The following MFGE8 variants were observed in gnomAD, a reference collection of about 807,000 sequenced individuals.
MFGE8 encodes the protein lactadherin.
MFGE8 carries 34 observed loss-of-function variants against 42.6 expected under a neutral mutation model. The observed-to-expected ratio is 0.80, with a 90% CI of 0.61 to 1.06. The LOEUF is 1.06. Among genes scored for constraint, MFGE8 ranks in the 50% least tolerant of loss-of-function variants. The pLI is 0.00. For missense variants in MFGE8, 510 were observed against 516.9 expected, an observed-to-expected ratio of 0.99 and a Z score of 0.13; for synonymous variants, 230 against 214.8, an observed-to-expected ratio of 1.07 and a Z score of -0.62.
At chr15:88,912,946 G>GA (rs1236669100) in intron 1 of MFGE8, 1 of 985,320 alleles carries the variant, frequency 1.0e-6, no homozygotes, top group Non-Finnish European at 1.2e-6. Flanking sequence ...TTTCACCAGG[G>GA]AAAAGAGAGG....
chr15:88,899,863 T>A lies in MFGE8; in HGVS notation c.871-52A>T. ...TCTGCTTGGACCATCTCCAGTAAGG[T>A]GAAAAGAGGCAGACACACTGAGGCA... On this transcript the variant is annotated intron_variant, in intron 6 of 7. Coordinates refer to ENST00000268150, the MANE Select transcript of MFGE8 (RefSeq NM_005928.4). This position sits in a 1 kb window ranked among gnomAD's most constrained non-coding sequence, Gnocchi z 6.8. The A allele has an allele frequency of 6.2e-7, 1 of 1,607,654 alleles. No individual in the cohort carries two copies. The highest frequency in any genetic ancestry group is 1.1e-5 in the South Asian group (1 of 90,704).
chr15:88,907,329 G>T lies in MFGE8; in HGVS notation c.253C>A (p.Gln85Lys). Residue 85 changes from glutamine (Q) to lysine (K), a missense_variant, in exon 3 of 8, where the codon CAG becomes AAG. Transcript: ENST00000268150. ...GLENGNIANS[Q>K]IAASSVRVTF... The stretch of plus-strand genomic sequence containing the variant: ...ACACGCACAGACGAGGCGGCGATCT[G>T]TGAGTTGGCAATGTTCCCATTCTCC... The T allele has an allele frequency of 6.2e-7, 1 of 1,614,202 alleles. No individual in the cohort carries two copies. Among genetic ancestry groups the T allele is most frequent in the Non-Finnish European group, 8.5e-7 (1 of 1,180,030 alleles).
In MFGE8 at chr15:88,899,912, T is replaced by A; in HGVS notation, c.871-101A>T. ...CATGAATTCTAGTTTTGAAAAAAAC[T>A]ACTTGGGTGAGCCTCAGTTTCTTTG... On this transcript the variant is annotated intron_variant, in intron 6 of 7. Coordinates refer to ENST00000268150, the MANE Select transcript of MFGE8 (RefSeq NM_005928.4). The surrounding 1 kb of genome is among the most constrained non-coding windows in gnomAD (Gnocchi z 6.8). 1 of 1,393,410 alleles carries A rather than the reference T, an allele frequency of 7.2e-7. No individual in the cohort carries two copies. The highest frequency in any genetic ancestry group is 1.0e-6 in the Non-Finnish European group (1 of 996,552). The allele number at this position is 1,393,410 out of a possible 1,614,324, so 86.3% of individuals were successfully genotyped here. A position where few individuals can be genotyped will look rare whatever the true frequency, so the allele number is the denominator to read the frequency against.
Position 88,899,750 on chromosome 15 carries a change from C to T in MFGE8, c.932G>A (p.Gly311Asp). 1 of 1,614,170 alleles carries T rather than the reference C, an allele frequency of 6.2e-7. No individual in the cohort carries two copies. ...GTAGGATGCCACAAACTGGACAGAG[C>T]CAAAGTTACGGGCCCCCTGGGTGAT... ...GIITQGARNF[G>D]SVQFVASYKV... Residue 311 changes from glycine to aspartate, a missense_variant, in exon 7 of 8, where the codon GGC (glycine) becomes GAC (aspartate). Transcript: ENST00000268150. The surrounding 1 kb of genome is among the most constrained non-coding windows in gnomAD (Gnocchi z 6.8).
rs1290325474 is a variant in MFGE8 at position 88,909,864 on chromosome 15, C to T, written c.133G>A (p.Val45Met). The change falls in exon 2 of 8, where the codon GTG (valine) becomes ATG (methionine). Residue 45 changes from valine (V) to methionine (M), a missense_variant. By Grantham distance (21) the Val-to-Met change is conservative. Coordinates refer to ENST00000268150, the MANE Select transcript of MFGE8 (RefSeq NM_005928.4). ...TACGAGGGGAAGACATCTCCTCGCA[C>T]TTCTTGGGAAATCTCCTCGCATAAA... ...GGLCEEISQE[V>M]RGDVFPSYTC... 2 of 1,614,244 alleles carry T rather than the reference C, an allele frequency of 1.2e-6. No individual in the cohort carries two copies. The highest frequency in any genetic ancestry group is 3.3e-5 in the Admixed American group (2 of 60,030).
chr15:88,906,385 C>G lies in MFGE8; in HGVS notation c.540+241G>C. On this transcript the variant is annotated intron_variant, in intron 4 of 7. Coordinates refer to ENST00000268150, the MANE Select transcript of MFGE8 (RefSeq NM_005928.4). The surrounding 1 kb of genome is among the most constrained non-coding windows in gnomAD (Gnocchi z 4.2). ...GCTCCACCACCACTATCACCCTCAA[C>G]AGGTCACTGTGCCATTTTGAATCTC... 1.9e-6 allele frequency: 1 copy of G among 538,184 alleles called. No individual in the cohort carries two copies. Among genetic ancestry groups the G allele is most frequent in the Non-Finnish European group, 3.4e-6 (1 of 295,134 alleles). The allele number at this position is 538,184 out of a possible 1,614,324, so 33.3% of individuals were successfully genotyped here. A position where few individuals can be genotyped will look rare whatever the true frequency, so the allele number is the denominator to read the frequency against.
At position 88,901,326 on chromosome 15, in the gene MFGE8, C is replaced by T. The variant is rs938926171; in HGVS notation, c.870+225G>A. ...ACACTCACACACACACATTCACACACACACACACATACACACACACACCCT... is the reference window on the plus strand; with the variant it reads ...ACACTCACACACACACATTCACACATACACACACATACACACACACACCCT... On this transcript the variant is annotated intron_variant, in intron 6 of 7. Transcript: ENST00000268150. Among the ~76,000 whole-genome samples the T allele has an allele frequency of 4.6e-5, 7 of 152,062 alleles. 1 individual carries two copies. The highest frequency in any genetic ancestry group is 7.2e-5 in the African/African-American group (3 of 41,408).
chr15:88,912,349 C>A (rs1234716396), intron 1 of MFGE8: 1 of 985,156 alleles, frequency 1.0e-6, no homozygotes, highest in East Asian at 1.1e-4. Context: ...TTCCTGGGAG[C>A]TTGGAGCACT....
At chr15:88,907,809 C>T (rs904575200) in intron 2 of MFGE8, among the ~76,000 whole-genome samples, 1 of 152,062 alleles carries the variant, frequency 6.6e-6, no homozygotes, top group Non-Finnish European at 1.5e-5. Context: ...ACCGGTGTGA[C>T]CCCCTCTTCC....
At chr15:88,912,968 G>A in intron 1 of MFGE8, 1 of 985,430 alleles carries the variant, frequency 1.0e-6, no homozygotes. Flanking sequence ...CCGACACAGC[G>A]GATTCCTTTG....
Position 88,905,133 on chromosome 15 carries a change from C to T in MFGE8, c.685+624G>A, listed in dbSNP as rs542855035. Reference sequence around the variant, plus strand: ...TCTCTTTGGAAAAGGCAGCAGGAAGCACCAGCTCCAAGCCCTGTGGTCCAA... The same window carrying T: ...TCTCTTTGGAAAAGGCAGCAGGAAGTACCAGCTCCAAGCCCTGTGGTCCAA... On this transcript the variant is annotated intron_variant, in intron 5 of 7. Coordinates refer to ENST00000268150, the MANE Select transcript of MFGE8 (RefSeq NM_005928.4). This position sits in a 1 kb window ranked among gnomAD's most constrained non-coding sequence, Gnocchi z 6.6. Among the ~76,000 whole-genome samples the T allele has an allele frequency of 6.6e-6, 1 of 152,306 alleles. No individual in the cohort carries two copies. Among genetic ancestry groups the T allele is most frequent in the East Asian group, 1.9e-4 (1 of 5,180 alleles).
chr15:88,912,305 TC>T, intron 1 of MFGE8: 1 of 1,279,502 alleles, frequency 7.8e-7, no homozygotes, highest in Non-Finnish European at 1.0e-6. Context: ...CAGCTGTCTT[TC>T]ATGGTGGCCG....
intron 1 of MFGE8, chr15:88,911,119 G>C (rs1474756484): frequency 6.6e-6 from 1 of 152,416 alleles, no homozygotes; most frequent in African/African-American, 2.4e-5. Context: ...TGAAGGTGGA[G>C]AGCAGGAGAG....
At chr15:88,901,421 A>G (rs1898422861) in intron 6 of MFGE8, 130 bp downstream of exon 6, 8 of 890,808 alleles carry the variant, frequency 9.0e-6, no homozygotes, top group Non-Finnish European at 1.4e-5. Flanking sequence ...AAAGCCGAAG[A>G]AAAACAAGGC....
chr15:88,910,054 T>G, intron 1 of MFGE8, 131 bp from the exon 2 acceptor site: 3 of 1,155,520 alleles, frequency 2.6e-6, no homozygotes, highest in East Asian at 2.4e-5. Flanking sequence ...CCTCTCCCTC[T>G]TCCCCCGTGT....
At chr15:88,909,190 G>A (rs772961259) in intron 2 of MFGE8, among the ~76,000 whole-genome samples, 8 of 152,186 alleles carry the variant, frequency 5.3e-5, no homozygotes, top group African/African-American at 1.7e-4. Context: ...TTCTGTGGCC[G>A]AGTGGATAAC....
intron 1 of MFGE8, chr15:88,910,924 A>C (rs1432487205): frequency 6.6e-6 from 1 of 152,226 alleles, no homozygotes; most frequent in East Asian, 1.9e-4. Context: ...AATAAAAAAC[A>C]AGAAACAAGA....
At chr15:88,910,540 A>ATAC in intron 1 of MFGE8, 1 of 168,592 alleles carries the variant, frequency 5.9e-6, no homozygotes, top group Admixed American at 5.6e-5. Context: ...AAGGGGAAAG[A>ATAC]GGCCAGCAAG....
At chr15:88,901,089 A>ATT (rs1373344367) in intron 6 of MFGE8, among the ~76,000 whole-genome samples, 2 of 79,150 alleles carry the variant, frequency 2.5e-5, no homozygotes, top group Non-Finnish European at 6.7e-5. Context: ...ACACATTCAC[A>ATT]CACATTCACA....
Sources: gnomAD v4.1 joint callset for allele counts (sites outside exome capture counted in the v4.1 genomes callset) on GRCh38, gnomAD v4.1.1 for gene constraint, Gnocchi (gnomAD v3.1) non-coding constraint, MANE v1.5 for transcripts, NCBI Gene and HGNC (gene_info 2026-07-23, HGNC 2026-07-21) for gene names.